CECR2: variants seen among roughly 807,000 people sequenced by gnomAD.
The protein encoded by CECR2 is CECR2 histone acetyl-lysine reader, also known as chromatin remodeling regulator CECR2.
A neutral mutation model predicts 154.5 loss-of-function variants in CECR2; 30 were observed. The ratio of observed to expected loss-of-function variants is 0.19; its 90% CI spans 0.15 to 0.26. The LOEUF (loss-of-function observed/expected upper bound fraction) is 0.26, where lower values mean the gene tolerates loss of function less well. Among genes scored for constraint, CECR2 ranks in the 10% least tolerant of loss-of-function variants. The pLI is 1.00. For missense variants in CECR2, 1,743 were observed against 1,829.3 expected (o/e 0.95, Z 0.86); for synonymous variants, 725 against 683.7 (o/e 1.06, Z -0.94).
intron 2 of CECR2, 27 bp from the exon 3 acceptor site, chr22:17,497,376 A>G (rs1263230439): frequency 1.9e-6 from 3 of 1,587,020 alleles, no homozygotes; most frequent in Admixed American, 1.8e-5. Flanking sequence ...ATATTAATGT[A>G]TTTTTGTGTT....
intron 2 of CECR2, among the ~76,000 whole-genome samples, chr22:17,493,267 C>T (rs958464290): frequency 4.6e-5 from 7 of 152,188 alleles, no homozygotes; most frequent in Admixed American, 2.6e-4. Flanking sequence ...CTACTGCGCC[C>T]GGCCTCTTTT....
intron 1 of CECR2, among the ~76,000 whole-genome samples, chr22:17,381,191 G>T (rs1189965480): frequency 3.3e-5 from 5 of 152,084 alleles, no homozygotes; most frequent in Non-Finnish European, 7.4e-5. Context: ...TCTTACACTG[G>T]CATTGATTTG....
chr22:17,544,497 CAA>C (rs34885224), intron 16 of CECR2, among the ~76,000 whole-genome samples: 13 of 57,380 alleles, frequency 2.3e-4, no homozygotes, highest in East Asian at 6.4e-4. Context: ...GACTCCATCT[CAA>C]AAAAAAAAAA....
intron 8 of CECR2, chr22:17,518,636 A>G (rs2056102611): frequency 4.5e-6 from 2 of 441,280 alleles, no homozygotes; most frequent in Non-Finnish European, 9.2e-6. Flanking sequence ...TTGGCACTCC[A>G]TGCACACAGA....
chr22:17,421,256 G>A (rs1226078561), intron 1 of CECR2, among the ~76,000 whole-genome samples: 3 of 151,464 alleles, frequency 2.0e-5, no homozygotes, highest in African/African-American at 4.9e-5. Flanking sequence ...CCGAGGTGGC[G>A]GATCACAATT....
chr22:17,543,862 A>G (rs2056569624), intron 16 of CECR2, among the ~76,000 whole-genome samples: 1 of 152,060 alleles, frequency 6.6e-6, no homozygotes, highest in South Asian at 2.1e-4. Flanking sequence ...AGACTTTTAT[A>G]CATTAATTCA....
chr22:17,444,102 G>A (rs1361546750), intron 1 of CECR2, among the ~76,000 whole-genome samples: 2 of 152,162 alleles, frequency 1.3e-5, no homozygotes, highest in African/African-American at 4.8e-5. Context: ...CCGGCCTCTG[G>A]TTAGTCGGTC....
rs1351658733 is a variant in CECR2, at chr22:17,500,698, C to T, written c.613C>T (p.Pro205Ser). The T allele has an allele frequency of 6.4e-7, 1 of 1,556,624 alleles. No homozygotes were observed. Among genetic ancestry groups the T allele is most frequent in the Non-Finnish European group, 8.7e-7 (1 of 1,150,266 alleles). ...GKTGKRRGRP[P>S]KRKKLQEEIL... ...AACGGGAAAAAGAAGAGGAAGACCC[C>T]CAAAACGGAAGAAACTGCAGGAGGA... The change falls in exon 5 of 19, where the codon CCA becomes TCA. Residue 205 changes from proline to serine, a missense_variant. Physicochemically the swap from Pro to Ser is moderately conservative, Grantham distance 74 (BLOSUM62 -1). This residue lies in a region of CECR2 where 292 missense variants were observed against 301.2 expected (regional missense o/e 0.97). Coordinates refer to ENST00000262608, the MANE Select transcript of CECR2 (RefSeq NM_001290047.2).
At chr22:17,475,934 A>G (rs2055200797) in intron 1 of CECR2, among the ~76,000 whole-genome samples, 1 of 151,832 alleles carries the variant, frequency 6.6e-6, no homozygotes, top group Non-Finnish European at 1.5e-5. Context: ...TTCCTTGTAT[A>G]TACACAGCAG....
At chr22:17,390,186 G>C (rs1262747569) in intron 1 of CECR2, among the ~76,000 whole-genome samples, 1 of 151,612 alleles carries the variant, frequency 6.6e-6, no homozygotes, top group Non-Finnish European at 1.5e-5. Context: ...TTCAGTGTTT[G>C]TCTTTCTTGA....
intron 1 of CECR2, among the ~76,000 whole-genome samples, chr22:17,448,884 A>C (rs201678219): frequency 1.4e-5 from 2 of 148,120 alleles, no homozygotes; most frequent in Non-Finnish European, 3.0e-5. Flanking sequence ...TTTATTATTT[A>C]TTTATTTTTT....
chr22:17,373,425 A>G (rs894598140), intron 1 of CECR2, among the ~76,000 whole-genome samples: 2 of 152,218 alleles, frequency 1.3e-5, no homozygotes, highest in African/African-American at 2.4e-5. Context: ...CGTGAAAATT[A>G]TCATAAAATA....
intron 3 of CECR2, among the ~76,000 whole-genome samples, chr22:17,499,052 T>C (rs911724561): frequency 6.6e-6 from 1 of 152,074 alleles, no homozygotes; most frequent in African/African-American, 2.4e-5. Flanking sequence ...TGCAGTGGCA[T>C]GATCTTGGCT....
At chr22:17,521,937 A>G (rs2056166397) in intron 8 of CECR2, among the ~76,000 whole-genome samples, 1 of 152,210 alleles carries the variant, frequency 6.6e-6, no homozygotes, top group African/African-American at 2.4e-5. Context: ...TATAAGGTAT[A>G]AGGAAGGGAT....
chr22:17,440,031 A>G (rs563814210), intron 1 of CECR2, among the ~76,000 whole-genome samples: 1 of 151,974 alleles, frequency 6.6e-6, no homozygotes, highest in South Asian at 2.1e-4. Context: ...ACATTGATGC[A>G]TGTGTCTGCA....
chr22:17,417,123 A>G (rs548618810), intron 1 of CECR2, among the ~76,000 whole-genome samples: 1 of 152,118 alleles, frequency 6.6e-6, no homozygotes, highest in East Asian at 1.9e-4. Context: ...TCTTGAAGAA[A>G]CTTATTTTTT....
intron 1 of CECR2, among the ~76,000 whole-genome samples, chr22:17,427,043 A>G (rs546818112): frequency 6.7e-6 from 1 of 149,286 alleles, no homozygotes. Flanking sequence ...CTGGTGTGTG[A>G]TGTTCCCCAC....
rs147869629 is a variant in CECR2, at chr22:17,414,764, C to T, written c.126+44855C>T. ...CCACCTGTGCTCACTCACATTTTCA[C>T]ATGCTCTCTAGGACGGGAGAAAAAT... is the stretch of plus-strand genomic sequence containing the variant. On this transcript the variant is annotated intron_variant, in intron 1 of 18. Transcript: ENST00000262608. 2.6e-5 allele frequency among the ~76,000 whole-genome samples: 4 copies of T among 152,100 alleles called. No individual in the cohort carries two copies. The East Asian group carries it at 7.7e-4, about 29-fold the overall frequency.
chr22:17,433,238 A>G (rs1018003896), intron 1 of CECR2, among the ~76,000 whole-genome samples: 2 of 152,224 alleles, frequency 1.3e-5, no homozygotes, highest in Non-Finnish European at 2.9e-5. Context: ...TTTCACATGT[A>G]GTCTGTCTCA....
Sources: gnomAD v4.1 joint callset for allele counts (sites outside exome capture counted in the v4.1 genomes callset) on GRCh38, gnomAD v4.1.1 for gene constraint, gnomAD v4.1.1 regional missense constraint, MANE v1.5 for transcripts, NCBI Gene and HGNC (gene_info 2026-07-23, HGNC 2026-07-21) for gene names.